The following FRAS1 variants were observed in gnomAD, a reference collection of about 807,000 sequenced individuals.
The protein encoded by FRAS1 is extracellular matrix organizing protein FRAS1.
FRAS1 carries 290 observed loss-of-function variants against 435.2 expected under a neutral mutation model. The observed-to-expected ratio is 0.67, with a 90% CI of 0.61 to 0.73. The LOEUF (loss-of-function observed/expected upper bound fraction) is 0.73. Ranked by LOEUF, FRAS1 falls within the 30% of genes least tolerant of loss-of-function variation. The pLI is 0.00. For missense variants in FRAS1, 4,860 were observed against 5,001.5 expected, an observed-to-expected ratio of 0.97 and a Z score of 0.85; for synonymous variants, 1,800 against 1,851.0, an observed-to-expected ratio of 0.97 and a Z score of 0.71.
At chr4:78,459,830 C>G (rs1201338631) in intron 47 of FRAS1, among the ~76,000 whole-genome samples, 1 of 152,184 alleles carries the variant, frequency 6.6e-6, no homozygotes, top group African/African-American at 2.4e-5. Flanking sequence ...TCTTCTTGTT[C>G]ATGTGGTGTT....
intron 2 of FRAS1, among the ~76,000 whole-genome samples, chr4:78,134,333 T>C (rs1008352953): frequency 1.3e-5 from 2 of 152,198 alleles, no homozygotes; most frequent in Admixed American, 1.3e-4. Context: ...CGTAGAGGTT[T>C]TTTTTCTTCA....
intron 14 of FRAS1, among the ~76,000 whole-genome samples, chr4:78,305,827 C>G (rs1369256999): frequency 6.6e-6 from 1 of 151,606 alleles, no homozygotes; most frequent in East Asian, 1.9e-4. Context: ...ATTTGCCAGT[C>G]TGTGTCTTTT....
chr4:78,327,273 C>T (rs1197205565), intron 18 of FRAS1, among the ~76,000 whole-genome samples: 1 of 152,086 alleles, frequency 6.6e-6, no homozygotes, highest in Non-Finnish European at 1.5e-5. Flanking sequence ...GTACTCATTT[C>T]AATTTTTAGC....
intron 31 of FRAS1, 121 bp downstream of exon 31, chr4:78,407,962 T>A (rs1312516066): frequency 4.8e-6 from 4 of 840,982 alleles, no homozygotes; most frequent in Non-Finnish European, 7.1e-6. Context: ...GGGGACGTGT[T>A]AGTTCATTTT....
At chr4:78,522,884 G>T in intron 69 of FRAS1, 76 bp downstream of exon 69, 1 of 1,278,402 alleles carries the variant, frequency 7.8e-7, no homozygotes, top group Non-Finnish European at 1.1e-6. Flanking sequence ...GGGAAATAGT[G>T]CTTTCCTCTG....
intron 63 of FRAS1, among the ~76,000 whole-genome samples, chr4:78,510,741 C>G (rs1721010354): frequency 6.6e-6 from 1 of 152,126 alleles, no homozygotes; most frequent in African/African-American, 2.4e-5. Context: ...TGTCAGAGGC[C>G]AAGTTCTCAG....
At chr4:78,473,682 C>G (rs35583270) in intron 53 of FRAS1, 85 bp downstream of exon 53, 370,503 of 1,009,630 alleles carry the variant, frequency 0.37, 70,142 homozygotes, top group Admixed American at 0.43. Flanking sequence ...GGGGGCAGCT[C>G]TAGTCACCTC....
At chr4:78,274,839 G>A (rs975117716) in intron 9 of FRAS1, among the ~76,000 whole-genome samples, 2 of 152,162 alleles carry the variant, frequency 1.3e-5, no homozygotes, top group Admixed American at 6.6e-5. Context: ...TCTGCTTGGT[G>A]CAGAGCTGAG....
chr4:78,363,779 C>A, intron 21 of FRAS1, 114 bp downstream of exon 21: 1 of 1,427,758 alleles, frequency 7.0e-7, no homozygotes, highest in Non-Finnish European at 9.5e-7. Context: ...GTGTAAACCA[C>A]TTCCATGGGA....
chr4:78,135,918 T>C (rs142163149), intron 2 of FRAS1, among the ~76,000 whole-genome samples: 8 of 152,310 alleles, frequency 5.3e-5, no homozygotes, highest in African/African-American at 1.9e-4. Context: ...AAGGGAAATA[T>C]AAGTTTAGGA....
At position 78,541,177 on chromosome 4, in the gene FRAS1, G is replaced by T; in HGVS notation, c.*53G>T. Reference sequence around the variant, plus strand: ...TAAAATCATTTTTATAAAATGGGGGGAAATACTGGTATTTTTATAATCTCG... The same window carrying T: ...TAAAATCATTTTTATAAAATGGGGGTAAATACTGGTATTTTTATAATCTCG... On this transcript the variant is annotated 3_prime_UTR_variant, in exon 74 of 74. Transcript: ENST00000512123. 9.7e-7 allele frequency: 1 copy of T among 1,030,544 alleles called. No individual in the cohort carries two copies. Among genetic ancestry groups the T allele is most frequent in the Non-Finnish European group, 1.3e-6 (1 of 770,644 alleles). The allele number at this position is 1,030,544 out of a possible 1,614,324, so 63.8% of individuals were successfully genotyped here.
chr4:78,393,060 G>A (rs1168026925), intron 29 of FRAS1, among the ~76,000 whole-genome samples: 1 of 145,600 alleles, frequency 6.9e-6, no homozygotes, highest in Non-Finnish European at 1.5e-5. Context: ...TGATTGACAT[G>A]TAAAAAGCCG....
At chr4:78,363,447 G>A in intron 20 of FRAS1, 66 bp from the exon 21 acceptor site, 1 of 1,484,680 alleles carries the variant, frequency 6.7e-7, no homozygotes, top group Non-Finnish European at 9.1e-7. Context: ...CTGCCCTTCT[G>A]TGCAGTGATG....
intron 58 of FRAS1, among the ~76,000 whole-genome samples, chr4:78,483,555 A>G (rs1720075258): frequency 1.3e-5 from 2 of 152,058 alleles, no homozygotes; most frequent in Admixed American, 1.3e-4. Flanking sequence ...AAGAGGAGCA[A>G]GAAGCCAAGT....
At chr4:78,128,007 G>T (rs1719467472) in intron 2 of FRAS1, among the ~76,000 whole-genome samples, 1 of 150,460 alleles carries the variant, frequency 6.6e-6, no homozygotes, top group South Asian at 2.1e-4. Flanking sequence ...GAGGTGTTTG[G>T]TTTTTTGTCC....
At chr4:78,441,683 G>A (rs1205081035) in intron 41 of FRAS1, among the ~76,000 whole-genome samples, 1 of 152,142 alleles carries the variant, frequency 6.6e-6, no homozygotes, top group Non-Finnish European at 1.5e-5. Context: ...CAGCAATGGG[G>A]CAGAAGGGCT....
At chr4:78,281,762 A>G (rs1036451925) in intron 11 of FRAS1, among the ~76,000 whole-genome samples, 2 of 152,124 alleles carry the variant, frequency 1.3e-5, no homozygotes, top group African/African-American at 4.8e-5. Flanking sequence ...GTAGAGTTTT[A>G]TGTACTGCAA....
Position 78,537,207 on chromosome 4 carries a change from T to G in FRAS1, c.11298+7T>G. Reference sequence around the variant, plus strand: ...ACACAGATTCCTGCTGTTGGTATGCTAAGTTCTCACTATTAGTGTTAAAGA... The same window carrying G: ...ACACAGATTCCTGCTGTTGGTATGCGAAGTTCTCACTATTAGTGTTAAAGA... On this transcript the variant is annotated splice_region_variant and intron_variant, in intron 72 of 73. Transcript: ENST00000512123. The G allele has an allele frequency of 6.2e-7, 1 of 1,612,544 alleles. No individual in the cohort carries two copies. Among genetic ancestry groups the G allele is most frequent in the Non-Finnish European group, 8.5e-7 (1 of 1,179,094 alleles).
chr4:78,451,625 T>C, intron 45 of FRAS1, 147 bp from the exon 46 acceptor site: 1 of 567,106 alleles, frequency 1.8e-6, no homozygotes, highest in South Asian at 3.6e-5. Context: ...ATGAAAACTT[T>C]AGATTAAAAT....
Sources: allele counts gnomAD v4.1 joint callset (sites outside exome capture counted in the v4.1 genomes callset), GRCh38; gene constraint gnomAD v4.1.1; transcripts MANE v1.5; gene names NCBI Gene and HGNC (gene_info 2026-07-23, HGNC 2026-07-21).